STIM1: variants seen among roughly 807,000 people sequenced by gnomAD.
The protein encoded by STIM1 is stromal interaction molecule 1.
STIM1 carries 25 observed loss-of-function variants against 74.7 expected under a neutral mutation model. The observed-to-expected ratio is 0.33, with a 90% CI of 0.24 to 0.47. STIM1 has a LOEUF of 0.47. STIM1 is among the 20% of genes least tolerant of loss of function. The pLI, the probability that STIM1 is intolerant of heterozygous loss-of-function variation, is 1.00. For synonymous variants in STIM1, 328 were observed against 348.8 expected, an observed-to-expected ratio of 0.94 and a Z score of 0.66; for missense variants, 728 against 920.8, an observed-to-expected ratio of 0.79 and a Z score of 2.71.
Position 3,982,958 on chromosome 11 carries a change from G to A in STIM1, c.270+15276G>A, listed in dbSNP as rs368937647. Among the ~76,000 whole-genome samples, 3 of 152,032 alleles carry A rather than the reference G, an allele frequency of 2.0e-5. No individual in the cohort carries two copies. The South Asian group carries it at 6.2e-4, about 32-fold the overall frequency. On this transcript the variant is annotated intron_variant, in intron 2 of 12. Transcript: ENST00000526596. ...TAATTTTTATTTTTTTTGAGACAGG[G>A]TCTTGCTCTGTCACCCAGGCTGGAG...
rs577762695 is a variant in STIM1 at position 3,973,339 on chromosome 11, C to T, written c.270+5657C>T. On this transcript the variant is annotated intron_variant, in intron 2 of 12. Transcript: ENST00000526596. The stretch of plus-strand genomic sequence containing the variant: ...CCTCTTTGGCTAGATGAAACACTAG[C>T]CATCTCTTTCTTCGACAGGGCATCC... 2.2e-3 allele frequency: 957 copies of T among 439,904 alleles called. 11 individuals carry two copies. Among genetic ancestry groups the T allele is most frequent in the South Asian group, 0.015 (830 of 55,088 alleles). 27.3% of individuals were successfully genotyped at this position (439,904 alleles called of 1,614,324 possible). A position where few individuals can be genotyped will look rare whatever the true frequency, so the allele number is the denominator to read the frequency against.
chr11:3,954,449 G>A (rs1436623961), intron 1 of STIM1, among the ~76,000 whole-genome samples: 1 of 152,196 alleles, frequency 6.6e-6, no homozygotes, highest in African/African-American at 2.4e-5. Flanking sequence ...AGACAGCCAT[G>A]GTTCCTGCCA....
intron 12 of STIM1, chr11:4,088,532 G>C: frequency 1.6e-6 from 1 of 613,318 alleles, no homozygotes; most frequent in Non-Finnish European, 3.0e-6. Flanking sequence ...AAGGGAGACT[G>C]CTCCTTCCAG....
intron 2 of STIM1, among the ~76,000 whole-genome samples, chr11:3,983,375 A>C (rs962016362): frequency 6.6e-6 from 1 of 152,186 alleles, no homozygotes; most frequent in African/African-American, 2.4e-5. Flanking sequence ...GGTATAGATG[A>C]CTTTTGAGAA....
intron 6 of STIM1, among the ~76,000 whole-genome samples, chr11:4,070,689 T>G (rs550047670): frequency 1.5e-3 from 231 of 152,346 alleles, no homozygotes; most frequent in Non-Finnish European, 2.6e-3. Context: ...CTCCCAGGAT[T>G]TATTTCCTCA....
At chr11:4,058,848 T>G in intron 4 of STIM1, 1 of 1,028,356 alleles carries the variant, frequency 9.7e-7, no homozygotes. Flanking sequence ...TGACAGTGAG[T>G]TTAGATTAGG....
intron 6 of STIM1, 46 bp downstream of exon 6, chr11:4,070,249 G>A: frequency 5.0e-6 from 8 of 1,610,440 alleles, no homozygotes; most frequent in Non-Finnish European, 6.8e-6. Context: ...CCAGTTCTTG[G>A]GAACCTCCTA....
chr11:3,923,498 A>AGGATGGTCTCGATCTCCTGAC (rs1565116838), intron 1 of STIM1, among the ~76,000 whole-genome samples: 1 of 151,536 alleles, frequency 6.6e-6, no homozygotes, highest in African/African-American at 2.4e-5. Context: ...AATCCCAGCT[A>AGGATGGTCTCGATCTCCTGAC]CTTGGGAGGC....
chr11:3,857,867 G>T (rs547402813), intron 1 of STIM1, among the ~76,000 whole-genome samples: 1 of 152,310 alleles, frequency 6.6e-6, no homozygotes, highest in South Asian at 2.1e-4. Context: ...TGAGGCCAGG[G>T]TTGCCCATGT....
At chr11:4,083,631 A>C in intron 10 of STIM1, 133 bp downstream of exon 10, 1 of 825,260 alleles carries the variant, frequency 1.2e-6, no homozygotes, top group Non-Finnish European at 2.0e-6. Context: ...GACCTTGGTC[A>C]ATAAAGCACA....
intron 3 of STIM1, among the ~76,000 whole-genome samples, chr11:4,032,237 G>C (rs995868681): frequency 6.6e-6 from 1 of 152,166 alleles, no homozygotes; most frequent in African/African-American, 2.4e-5. Flanking sequence ...AGGTGGCTGA[G>C]GTGGGGTGGG....
chr11:4,000,297 G>C (rs2093702449), intron 2 of STIM1, among the ~76,000 whole-genome samples: 1 of 148,130 alleles, frequency 6.8e-6, no homozygotes, highest in African/African-American at 2.5e-5. Context: ...GTGGGTCCCT[G>C]ACCCCGACCC....
chr11:3,961,860 A>AT (rs925907995), intron 1 of STIM1, among the ~76,000 whole-genome samples: 131 of 152,300 alleles, frequency 8.6e-4, no homozygotes, highest in African/African-American at 2.9e-3. Context: ...TGAATTTAGG[A>AT]TAAAGCATAG....
intron 5 of STIM1, among the ~76,000 whole-genome samples, chr11:4,063,030 T>C (rs2094341848): frequency 6.6e-6 from 1 of 152,220 alleles, no homozygotes; most frequent in African/African-American, 2.4e-5. Context: ...TATAATTTTG[T>C]GAGTTCACTT....
intron 1 of STIM1, among the ~76,000 whole-genome samples, chr11:3,895,606 CTCTCTT>C (rs1216875964): frequency 3.0e-5 from 2 of 66,454 alleles, no homozygotes; most frequent in African/African-American, 6.2e-5. Context: ...CTTTCTTTCT[CTCTCTT>C]TCTTTCTTTC....
chr11:3,906,899 A>G (rs1373412222), intron 1 of STIM1, among the ~76,000 whole-genome samples: 1 of 152,246 alleles, frequency 6.6e-6, no homozygotes, highest in Non-Finnish European at 1.5e-5. Flanking sequence ...ATTGAGGGTA[A>G]AAGGTCACAG....
chr11:4,083,735 G>A, intron 10 of STIM1: 1 of 540,522 alleles, frequency 1.9e-6, no homozygotes, highest in East Asian at 3.1e-5. Context: ...TGCTAAGTGT[G>A]TCTCCCTTCA....
At chr11:3,921,196 G>GATC (rs1218633413) in intron 1 of STIM1, among the ~76,000 whole-genome samples, 6 of 152,138 alleles carry the variant, frequency 3.9e-5, no homozygotes, top group Non-Finnish European at 2.9e-5. Context: ...GAGAATGACT[G>GATC]GACTTCAGTA....
intron 5 of STIM1, among the ~76,000 whole-genome samples, chr11:4,059,976 A>G (rs1006739941): frequency 2.0e-5 from 3 of 152,230 alleles, no homozygotes; most frequent in Non-Finnish European, 2.9e-5. Context: ...TTATATATAT[A>G]TAATGACAGT....
Sources: allele counts gnomAD v4.1 joint callset (sites outside exome capture counted in the v4.1 genomes callset), GRCh38; gene constraint gnomAD v4.1.1; transcripts MANE v1.5; gene names NCBI Gene and HGNC (gene_info 2026-07-23, HGNC 2026-07-21).